PIP4K2A: variants seen among roughly 807,000 people sequenced by gnomAD.
PIP4K2A encodes the protein phosphatidylinositol-5-phosphate 4-kinase type 2 alpha.
PIP4K2A carries 14 observed loss-of-function variants against 42.9 expected under a neutral mutation model. That is an observed-to-expected ratio of 0.33 (90% confidence interval 0.22 to 0.51). The LOEUF (loss-of-function observed/expected upper bound fraction) is 0.51, where lower values mean the gene tolerates loss of function less well. Among genes scored for constraint, PIP4K2A ranks in the 20% least tolerant of loss-of-function variants. The probability of loss-of-function intolerance (pLI) is 0.97; values close to 1 mark genes in which losing one functional copy is unlikely to be tolerated. For missense variants in PIP4K2A, 434 were observed against 519.8 expected (o/e 0.83, Z 1.61); for synonymous variants, 192 against 192.2 (o/e 1.00, Z 0.01).
chr10:22,535,803 T>G lies in PIP4K2A; in HGVS notation c.*1398A>C. 7.3e-6 allele frequency: 2 copies of G among 275,366 alleles called. No homozygotes were observed. The highest frequency in any genetic ancestry group is 1.3e-5 in the Non-Finnish European group (2 of 148,518). The allele number at this position is 275,366 out of a possible 1,614,324, so 17.1% of individuals were successfully genotyped here. On this transcript the variant is annotated 3_prime_UTR_variant, in exon 10 of 10. Transcript: ENST00000376573. Reference sequence around the variant, plus strand: ...TTGATTAAAAACAATCAGCACAGTTTAGGGCAATGAACTTTCATAAACCAG... The same window carrying G: ...TTGATTAAAAACAATCAGCACAGTTGAGGGCAATGAACTTTCATAAACCAG...
At chr10:22,641,633 G>A (rs1444999778) in intron 1 of PIP4K2A, among the ~76,000 whole-genome samples, 2 of 151,338 alleles carry the variant, frequency 1.3e-5, no homozygotes, top group East Asian at 3.9e-4. Context: ...AAAAAATTTT[G>A]TAGAGATGGG....
chr10:22,541,356 T>C (rs2130740854), intron 8 of PIP4K2A, among the ~76,000 whole-genome samples: 1 of 152,232 alleles, frequency 6.6e-6, no homozygotes, highest in East Asian at 1.9e-4. Flanking sequence ...ATCACATGCA[T>C]GTGCCTAGCT....
intron 1 of PIP4K2A, among the ~76,000 whole-genome samples, chr10:22,660,993 C>T (rs900292659): frequency 1.3e-5 from 2 of 152,124 alleles, no homozygotes; most frequent in Non-Finnish European, 2.9e-5. Context: ...AGGTGTGGGA[C>T]AACAGGAGAG....
At chr10:22,538,805 G>A (rs539581246) in intron 9 of PIP4K2A, among the ~76,000 whole-genome samples, 12 of 78,988 alleles carry the variant, frequency 1.5e-4, no homozygotes, top group Non-Finnish European at 2.4e-4. Context: ...GCTCGGGGGC[G>A]GTGAGGTCCC....
intron 1 of PIP4K2A, among the ~76,000 whole-genome samples, chr10:22,653,974 C>T (rs1839043270): frequency 1.3e-5 from 2 of 152,284 alleles, no homozygotes; most frequent in African/African-American, 2.4e-5. Flanking sequence ...CAAGAGAAAA[C>T]AGCTGCTGTC....
At chr10:22,570,025 G>C (rs1034772018) in intron 5 of PIP4K2A, among the ~76,000 whole-genome samples, 1 of 151,900 alleles carries the variant, frequency 6.6e-6, no homozygotes, top group Non-Finnish European at 1.5e-5. Context: ...TTTACTCCAA[G>C]ATATGTTTAC....
intron 7 of PIP4K2A, among the ~76,000 whole-genome samples, chr10:22,544,507 C>T (rs1034887764): frequency 6.6e-6 from 1 of 152,178 alleles, no homozygotes; most frequent in African/African-American, 2.4e-5. Flanking sequence ...CACCTGGAAG[C>T]CTCTCTGGAG....
At chr10:22,576,850 C>T (rs765699416) in intron 4 of PIP4K2A, among the ~76,000 whole-genome samples, 14 of 151,992 alleles carry the variant, frequency 9.2e-5, no homozygotes, top group Non-Finnish European at 1.6e-4. Flanking sequence ...CCAAGGTGGG[C>T]GGATAGCTTG....
chr10:22,560,764 AAT>A (rs1428235636), intron 6 of PIP4K2A, among the ~76,000 whole-genome samples: 1 of 152,206 alleles, frequency 6.6e-6, no homozygotes, highest in Non-Finnish European at 1.5e-5. Context: ...TACTTTACCT[AAT>A]AAAATCAGAC....
At chr10:22,555,061 A>G (rs1836502102) in intron 6 of PIP4K2A, among the ~76,000 whole-genome samples, 1 of 152,150 alleles carries the variant, frequency 6.6e-6, no homozygotes, top group African/African-American at 2.4e-5. Flanking sequence ...CAGCAGAGGG[A>G]CGCCGTTCCC....
intron 1 of PIP4K2A, among the ~76,000 whole-genome samples, chr10:22,657,005 T>C (rs1391172008): frequency 1.3e-5 from 2 of 152,194 alleles, no homozygotes; most frequent in South Asian, 2.1e-4. Context: ...CTCCCTGAGC[T>C]TGAGGAAGCC....
chr10:22,713,678 C>CGCCCCAGT (rs1447372461), intron 1 of PIP4K2A, among the ~76,000 whole-genome samples: 2 of 152,184 alleles, frequency 1.3e-5, no homozygotes, highest in Non-Finnish European at 2.9e-5. Context: ...CCGGTATCCT[C>CGCCCCAGT]GCCCCAGTGC....
intron 1 of PIP4K2A, among the ~76,000 whole-genome samples, chr10:22,616,695 T>TTA (rs1554801976): frequency 6.8e-6 from 1 of 147,634 alleles, no homozygotes; most frequent in Non-Finnish European, 1.5e-5. Flanking sequence ...ATTCCTTATT[T>TTA]AAAAAAAAAA....
chr10:22,612,537 C>A (rs1354514649), intron 1 of PIP4K2A, among the ~76,000 whole-genome samples: 1 of 152,174 alleles, frequency 6.6e-6, no homozygotes, highest in Non-Finnish European at 1.5e-5. Context: ...GGCCCAGGAG[C>A]ACCGGGAAGC....
At chr10:22,612,443 G>A (rs958367188) in intron 1 of PIP4K2A, among the ~76,000 whole-genome samples, 9 of 152,206 alleles carry the variant, frequency 5.9e-5, no homozygotes, top group Non-Finnish European at 1.0e-4. Flanking sequence ...GGAAGAAGGC[G>A]AGTCCTAGAG....
At chr10:22,589,668 G>A (rs1837469990) in intron 4 of PIP4K2A, among the ~76,000 whole-genome samples, 1 of 152,326 alleles carries the variant, frequency 6.6e-6, no homozygotes, top group Admixed American at 6.5e-5. Flanking sequence ...CATCATGCAT[G>A]AACATAAAGT....
chr10:22,633,739 AGG>A (rs1838603467), intron 1 of PIP4K2A, among the ~76,000 whole-genome samples: 2 of 152,344 alleles, frequency 1.3e-5, no homozygotes, highest in Admixed American at 6.5e-5. Context: ...CTGGTCACCA[AGG>A]AAACAATAAA....
intron 1 of PIP4K2A, among the ~76,000 whole-genome samples, chr10:22,705,449 A>G (rs1360359509): frequency 6.8e-6 from 1 of 147,070 alleles, no homozygotes; most frequent in African/African-American, 2.5e-5. Flanking sequence ...AAAAAAAAAA[A>G]AAAAAAAAAA....
chr10:22,558,036 TA>T (rs1836595760), intron 6 of PIP4K2A, among the ~76,000 whole-genome samples: 1 of 152,250 alleles, frequency 6.6e-6, no homozygotes, highest in African/African-American at 2.4e-5. Flanking sequence ...TTTTGTTTGA[TA>T]TGCTCATTTG....
Sources: gnomAD v4.1 joint callset for allele counts (sites outside exome capture counted in the v4.1 genomes callset) on GRCh38, gnomAD v4.1.1 for gene constraint, MANE v1.5 for transcripts, NCBI Gene and HGNC (gene_info 2026-07-23, HGNC 2026-07-21) for gene names.